The following FHIT variants were observed in gnomAD, a reference collection of about 807,000 sequenced individuals.
FHIT encodes the protein fragile histidine triad diadenosine triphosphatase.
Under a neutral mutation model 17.9 loss-of-function variants are expected in FHIT, and 19 were observed. The observed-to-expected ratio is 1.06, with a 90% confidence interval of 0.74 to 1.56. FHIT has a LOEUF of 1.56. Ranked by LOEUF, FHIT falls within the 40% of genes most tolerant of loss-of-function variation. The probability of loss-of-function intolerance (pLI) is 0.00; values close to 1 mark genes in which losing one functional copy is unlikely to be tolerated. For synonymous variants in FHIT, 81 were observed against 69.7 expected, an observed-to-expected ratio of 1.16 and a Z score of -0.81; for missense variants, 248 against 189.2, an observed-to-expected ratio of 1.31 and a Z score of -1.82.
At chr3:60,557,121 T>C (rs1329256158) in intron 4 of FHIT, among the ~76,000 whole-genome samples, 2 of 152,326 alleles carry the variant, frequency 1.3e-5, no homozygotes, top group East Asian at 3.9e-4. Context: ...TTTATGTAAA[T>C]ATCTCACTTA....
intron 2 of FHIT, among the ~76,000 whole-genome samples, chr3:61,102,476 C>T (rs1473428764): frequency 1.3e-5 from 2 of 152,058 alleles, no homozygotes; most frequent in Non-Finnish European, 2.9e-5. Context: ...TTGAGGATTT[C>T]TGCATCGATG....
At chr3:61,005,687 T>C (rs947040464) in intron 3 of FHIT, among the ~76,000 whole-genome samples, 1 of 152,164 alleles carries the variant, frequency 6.6e-6, no homozygotes, top group Non-Finnish European at 1.5e-5. Flanking sequence ...GCTGGGCCAC[T>C]ATGAATTTCG....
chr3:61,208,346 C>T lies in FHIT; in HGVS notation c.-212-7681G>A, dbSNP rs148684263. Among the ~76,000 whole-genome samples, 100 of 151,610 alleles carry T rather than the reference C, an allele frequency of 6.6e-4. 1 individual carries two copies. The highest frequency in any genetic ancestry group is 1.2e-3 in the Non-Finnish European group (78 of 67,814). ...TCTATTAGGTCCGCTTGGTGCAGAG[C>T]TGAGTTCAATTCCTGGATATCCTTG... On this transcript the variant is annotated intron_variant, in intron 1 of 9. Coordinates refer to ENST00000492590, the MANE Select transcript of FHIT (RefSeq NM_002012.4).
intron 4 of FHIT, among the ~76,000 whole-genome samples, chr3:60,817,945 T>G (rs569144285): frequency 6.6e-6 from 1 of 152,098 alleles, no homozygotes; most frequent in South Asian, 2.1e-4. Context: ...TTCAGTCATT[T>G]TAAGTCTTTT....
intron 5 of FHIT, among the ~76,000 whole-genome samples, chr3:60,189,463 T>C (rs1011346271): frequency 2.0e-5 from 3 of 151,862 alleles, no homozygotes; most frequent in African/African-American, 4.8e-5. Flanking sequence ...ATACTTTAGA[T>C]ACTTTAGGGC....
At chr3:60,808,010 G>C (rs1701456745) in intron 4 of FHIT, among the ~76,000 whole-genome samples, 1 of 152,138 alleles carries the variant, frequency 6.6e-6, no homozygotes, top group African/African-American at 2.4e-5. Context: ...GTGTGAATAG[G>C]CCATGAACAT....
At chr3:60,009,163 T>TTGTGTGTGTG (rs781608497) in intron 7 of FHIT, among the ~76,000 whole-genome samples, 3 of 128,780 alleles carry the variant, frequency 2.3e-5, no homozygotes, top group Admixed American at 7.9e-5. Context: ...CTCTGGGATT[T>TTGTGTGTGTG]TATGTGTGTG....
At chr3:60,232,488 C>T (rs1257458867) in intron 5 of FHIT, among the ~76,000 whole-genome samples, 1 of 152,134 alleles carries the variant, frequency 6.6e-6, no homozygotes, top group Non-Finnish European at 1.5e-5. Flanking sequence ...CTATTGAAGG[C>T]TGATTTTAAG....
chr3:59,975,632 G>A (rs1184205041), intron 7 of FHIT, among the ~76,000 whole-genome samples: 1 of 152,008 alleles, frequency 6.6e-6, no homozygotes, highest in Non-Finnish European at 1.5e-5. Context: ...AAAAACATTA[G>A]AGAAAGAGAG....
chr3:59,767,680 C>T (rs938756573), intron 8 of FHIT, among the ~76,000 whole-genome samples: 2 of 152,114 alleles, frequency 1.3e-5, no homozygotes, highest in Non-Finnish European at 2.9e-5. Flanking sequence ...TTGCTGTCTG[C>T]CTGGCAATGT....
At chr3:60,225,450 G>A (rs993694215) in intron 5 of FHIT, among the ~76,000 whole-genome samples, 1 of 152,170 alleles carries the variant, frequency 6.6e-6, no homozygotes, top group African/African-American at 2.4e-5. Context: ...TTTAGAAACA[G>A]GGCTAAAGGA....
intron 5 of FHIT, among the ~76,000 whole-genome samples, chr3:60,455,976 T>G (rs2032064154): frequency 6.6e-6 from 1 of 152,138 alleles, no homozygotes; most frequent in African/African-American, 2.4e-5. Context: ...TAGCAAGTGG[T>G]TGGACTCATA....
At chr3:61,136,736 C>A (rs1162611522) in intron 2 of FHIT, among the ~76,000 whole-genome samples, 1 of 152,160 alleles carries the variant, frequency 6.6e-6, no homozygotes. Context: ...TTCACCGGAG[C>A]CTAACACATT....
intron 5 of FHIT, among the ~76,000 whole-genome samples, chr3:60,237,951 C>T (rs2107566441): frequency 6.6e-6 from 1 of 151,868 alleles, no homozygotes; most frequent in Non-Finnish European, 1.5e-5. Context: ...GCCTGGCCAA[C>T]ATGGTGAAAC....
intron 4 of FHIT, among the ~76,000 whole-genome samples, chr3:60,614,837 T>TGAGATGGAGCCCTGC (rs2038903282): frequency 1.4e-5 from 1 of 73,440 alleles, no homozygotes; most frequent in Non-Finnish European, 3.7e-5. Flanking sequence ...TTTTGTTTTT[T>TGAGATGGAGCCCTGC]TTTTGTTTTT....
At chr3:60,685,763 T>G (rs981377784) in intron 4 of FHIT, among the ~76,000 whole-genome samples, 1 of 152,108 alleles carries the variant, frequency 6.6e-6, no homozygotes, top group Non-Finnish European at 1.5e-5. Flanking sequence ...ATTTACAAAC[T>G]CCCTCTAAAT....
intron 2 of FHIT, among the ~76,000 whole-genome samples, chr3:61,179,008 C>CTTT (rs778191387): frequency 0.024 from 3,015 of 127,498 alleles, 177 homozygotes; most frequent in East Asian, 0.11. Flanking sequence ...TTTTCTTTTT[C>CTTT]TTTTTTTTTT....
chr3:61,127,239 A>C (rs911837081), intron 2 of FHIT, among the ~76,000 whole-genome samples: 1 of 152,164 alleles, frequency 6.6e-6, no homozygotes, highest in African/African-American at 2.4e-5. Flanking sequence ...GCTTGGGCCC[A>C]AGCCATAGTG....
At chr3:61,212,948 C>T (rs983545852) in intron 1 of FHIT, among the ~76,000 whole-genome samples, 1 of 152,172 alleles carries the variant, frequency 6.6e-6, no homozygotes, top group Non-Finnish European at 1.5e-5. Flanking sequence ...TACAGACAAG[C>T]AAATGCTGAG....
Sources: gnomAD v4.1 joint callset for allele counts (sites outside exome capture counted in the v4.1 genomes callset) on GRCh38, gnomAD v4.1.1 for gene constraint, MANE v1.5 for transcripts, NCBI Gene and HGNC (gene_info 2026-07-23, HGNC 2026-07-21) for gene names.